The following POLA1 variants were observed in gnomAD, a reference collection of about 807,000 sequenced individuals.
The protein encoded by POLA1 is DNA polymerase alpha 1, catalytic subunit.
POLA1 carries 15 observed loss-of-function variants against 124.0 expected under a neutral mutation model. The observed-to-expected ratio is 0.12, with a 90% CI of 0.08 to 0.19. The LOEUF (loss-of-function observed/expected upper bound fraction) is 0.19. POLA1 is among the 10% of genes least tolerant of loss of function. The pLI is 1.00. For missense variants in POLA1, 886 were observed against 1,103.4 expected (o/e 0.80, Z 2.79); for synonymous variants, 408 against 389.4 (o/e 1.05, Z -0.56).
At chrX:24,888,269 G>T in intron 35 of POLA1, 147 bp downstream of exon 35, 1 of 395,022 alleles carries the variant, frequency 2.5e-6, no homozygotes, top group East Asian at 3.9e-5. Flanking sequence ...ACAGATTTCA[G>T]AAAGATACAT....
chrX:24,812,298 C>T (rs2148497793), intron 28 of POLA1, among the ~76,000 whole-genome samples: 1 of 112,453 alleles, frequency 8.9e-6, no homozygotes, highest in African/African-American at 3.2e-5. Context: ...CACTAACTAA[C>T]TGAATAGTTT....
intron 26 of POLA1, among the ~76,000 whole-genome samples, chrX:24,806,923 G>T (rs756466594): frequency 8.9e-6 from 1 of 112,027 alleles, no homozygotes; most frequent in South Asian, 3.7e-4. Context: ...AGCTCTTTAT[G>T]TGTGAATTTG....
At chrX:24,962,190 TCA>T (rs1467238216) in intron 36 of POLA1, among the ~76,000 whole-genome samples, 1 of 111,465 alleles carries the variant, frequency 9.0e-6, no homozygotes, top group African/African-American at 3.3e-5. Context: ...GTGATCAAAA[TCA>T]CACAACTGGT....
rs191620510 is a variant in POLA1, at chrX:24,808,611, C to T, written c.2965-1287C>T. ...ATCAGAATTCACCACCATTCACCAC[C>T]CCCCAGGTAGGAGAAAGGGCTTCCT... On this transcript the variant is annotated intron_variant, in intron 26 of 36. Coordinates refer to ENST00000379068, the MANE Select transcript of POLA1 (RefSeq NM_001330360.2). Among the ~76,000 whole-genome samples, 79 of 111,020 alleles carry T rather than the reference C, an allele frequency of 7.1e-4. 1 individual carries two copies. In the Middle Eastern group the frequency reaches 0.023, roughly 33 times the overall value.
At chrX:24,834,296 C>T (rs541670126) in intron 32 of POLA1, among the ~76,000 whole-genome samples, 4 of 111,419 alleles carry the variant, frequency 3.6e-5, no homozygotes, top group African/African-American at 1.3e-4. Context: ...TTATCTTCTC[C>T]AGGAAAATAA....
rs1304877747 is a variant in POLA1, at chrX:24,996,447, T to G, written c.*497T>G. 3 of 113,564 alleles carry G rather than the reference T, an allele frequency of 2.6e-5. No homozygotes were observed. Among genetic ancestry groups the G allele is most frequent in the Non-Finnish European group, 5.5e-5 (3 of 54,079 alleles). 9.4% of individuals were successfully genotyped at this position (113,564 alleles called of 1,213,427 possible). A position where few individuals can be genotyped will look rare whatever the true frequency, so the allele number is the denominator to read the frequency against. ...ATCCAGGAGTGGCTGTCCTTTTCAG[T>G]CTTGTCTTTTATATAGGTAGCTGAG... On this transcript the variant is annotated 3_prime_UTR_variant, in exon 37 of 37. Transcript: ENST00000379068.
At chrX:24,848,579 T>A (rs1357783397) in intron 34 of POLA1, among the ~76,000 whole-genome samples, 1 of 112,132 alleles carries the variant, frequency 8.9e-6, no homozygotes, top group Non-Finnish European at 1.9e-5. Flanking sequence ...CCAAGCATAA[T>A]GTTGTTAAGC....
At chrX:24,834,872 C>CTAG (rs1313806581) in intron 32 of POLA1, among the ~76,000 whole-genome samples, 2 of 110,521 alleles carry the variant, frequency 1.8e-5, no homozygotes, top group African/African-American at 6.6e-5. Context: ...AAAATTTTTT[C>CTAG]TAGTATCACA....
intron 35 of POLA1, among the ~76,000 whole-genome samples, chrX:24,925,646 A>G (rs1267898569): frequency 8.9e-6 from 1 of 112,454 alleles, no homozygotes; most frequent in Non-Finnish European, 1.9e-5. Flanking sequence ...ATGACTCAGC[A>G]TTTCCCCTCC....
chrX:24,743,995 C>T (rs1181820532), intron 23 of POLA1, among the ~76,000 whole-genome samples: 1 of 108,263 alleles, frequency 9.2e-6, no homozygotes, highest in African/African-American at 3.4e-5. Context: ...TGGGTTCAAG[C>T]GATTCTCCTG....
chrX:24,700,279 A>G (rs1198993720), intron 2 of POLA1, among the ~76,000 whole-genome samples: 1 of 110,840 alleles, frequency 9.0e-6, no homozygotes, highest in African/African-American at 3.3e-5. Flanking sequence ...ATGAAATTAG[A>G]TACTATGATT....
chrX:24,713,984 C>G (rs1435769497), intron 4 of POLA1, among the ~76,000 whole-genome samples: 1 of 112,197 alleles, frequency 8.9e-6, no homozygotes, highest in Non-Finnish European at 1.9e-5. Context: ...CAAATTCTCA[C>G]TTTTTTAAAA....
intron 17 of POLA1, among the ~76,000 whole-genome samples, chrX:24,735,151 A>G (rs956669740): frequency 8.9e-6 from 1 of 112,089 alleles, no homozygotes; most frequent in Non-Finnish European, 1.9e-5. Flanking sequence ...ACATTTCTAT[A>G]TTTTATGTTG....
chrX:24,879,345 T>A (rs1165097653), intron 34 of POLA1, among the ~76,000 whole-genome samples: 1 of 111,959 alleles, frequency 8.9e-6, no homozygotes, highest in Non-Finnish European at 1.9e-5. Context: ...AAGTCAGACA[T>A]TCATTACAGT....
chrX:24,784,158 T>G (rs2045320973), intron 26 of POLA1, among the ~76,000 whole-genome samples: 1 of 105,553 alleles, frequency 9.5e-6, no homozygotes. Context: ...GTTCAAGTGA[T>G]TCTCCTGCCT....
At chrX:24,771,611 T>C (rs932452172) in intron 26 of POLA1, among the ~76,000 whole-genome samples, 3 of 111,268 alleles carry the variant, frequency 2.7e-5, no homozygotes, top group Non-Finnish European at 5.7e-5. Context: ...ACTCTAGAAA[T>C]TTGTAGATGA....
chrX:24,933,040 C>T (rs1048845995), intron 36 of POLA1, among the ~76,000 whole-genome samples: 2 of 111,742 alleles, frequency 1.8e-5, no homozygotes, highest in Non-Finnish European at 3.8e-5. Flanking sequence ...GATCCTATGT[C>T]CACAGATTCT....
chrX:24,736,493 T>C, intron 18 of POLA1, among the ~76,000 whole-genome samples: 1 of 111,859 alleles, frequency 8.9e-6, no homozygotes, highest in Non-Finnish European at 1.9e-5. Context: ...CTGGCCTGGC[T>C]TCAGGTGTTA....
chrX:24,852,990 A>G (rs1488836185), intron 34 of POLA1, among the ~76,000 whole-genome samples: 2 of 112,566 alleles, frequency 1.8e-5, no homozygotes, highest in African/African-American at 6.5e-5. Context: ...ATTTACATCT[A>G]TATGTATACT....
Sources: allele counts gnomAD v4.1 joint callset (sites outside exome capture counted in the v4.1 genomes callset), GRCh38; gene constraint gnomAD v4.1.1; transcripts MANE v1.5; gene names NCBI Gene and HGNC (gene_info 2026-07-23, HGNC 2026-07-21).